Variants in TG observed in about 807,000 individuals in gnomAD.
TG encodes thyroglobulin.
Under a neutral mutation model 324.7 loss-of-function variants are expected in TG, and 270 were observed. The observed-to-expected ratio is 0.83, with a 90% CI of 0.75 to 0.92. TG has a LOEUF of 0.92. TG is among the 40% of genes least tolerant of loss of function. TG has a pLI of 0.00. For synonymous variants in TG, 1,401 were observed against 1,327.0 expected (o/e 1.06, Z -1.21); for missense variants, 3,591 against 3,456.4 (o/e 1.04, Z -0.98).
At chr8:133,045,160 C>A (rs1237614464) in intron 41 of TG, 2 of 1,608,014 alleles carry the variant, frequency 1.2e-6, no homozygotes, top group Admixed American at 1.7e-5. Flanking sequence ...CCTGTCCTCA[C>A]CCCAAGGCAC....
At chr8:133,065,939 A>T (rs1017400768) in intron 41 of TG, among the ~76,000 whole-genome samples, 1 of 151,948 alleles carries the variant, frequency 6.6e-6, no homozygotes, top group Non-Finnish European at 1.5e-5. Context: ...TCCAGCGGGG[A>T]TGAGGGGTGC....
chr8:133,133,688 G>C, intron 47 of TG, 28 bp downstream of exon 47: 1 of 1,606,400 alleles, frequency 6.2e-7, no homozygotes, highest in Non-Finnish European at 8.5e-7. Context: ...CAAGTGGAGG[G>C]AGCTGGGTGT....
rs1280353265 is a variant in TG at position 132,906,852 on chromosome 8, G to A, written c.3799G>A (p.Glu1267Lys). 1 of 1,613,954 alleles carries A rather than the reference G, an allele frequency of 6.2e-7. No homozygotes were observed. Among genetic ancestry groups the A allele is most frequent in the Admixed American group, 1.7e-5 (1 of 60,008 alleles). The part of the protein sequence containing the change: ...FPPGPLICSL[E>K]SGRWESQLPQ... ...ACCAGGGCCATTGATATGTAGCCTG[G>A]AGAGCGGACGCTGGGAGTCACAGCT... Residue 1267 changes from glutamate (E) to lysine (K), a missense_variant, in exon 17 of 48, where the codon GAG (glutamate) becomes AAG (lysine). Physicochemically the swap from Glu to Lys is moderately conservative, Grantham distance 56. Coordinates refer to ENST00000220616, the MANE Select transcript of TG (RefSeq NM_003235.5).
At chr8:132,933,434 T>TTG (rs370957018) in intron 23 of TG, 127 bp from the exon 24 acceptor site, 38,964 of 674,700 alleles carry the variant, frequency 0.058, 195 homozygotes, top group Non-Finnish European at 0.063. Context: ...ATCTGCATAT[T>TTG]TGTGTGTGTG....
At chr8:132,890,202 A>G (rs1816032091) in intron 10 of TG, among the ~76,000 whole-genome samples, 1 of 152,096 alleles carries the variant, frequency 6.6e-6, no homozygotes, top group Non-Finnish European at 1.5e-5. Flanking sequence ...TTCCATCTCT[A>G]TTCAGTATTT....
intron 41 of TG, among the ~76,000 whole-genome samples, chr8:133,071,534 C>T (rs1270146971): frequency 3.3e-5 from 5 of 152,102 alleles, no homozygotes; most frequent in Non-Finnish European, 5.9e-5. Flanking sequence ...GTGGATAGAG[C>T]GGTGCAATGA....
At chr8:133,011,105 A>G (rs1414266867) in intron 35 of TG, among the ~76,000 whole-genome samples, 1 of 152,198 alleles carries the variant, frequency 6.6e-6, no homozygotes, top group Non-Finnish European at 1.5e-5. Flanking sequence ...GGGATATAGA[A>G]GGAAGTGAGG....
intron 41 of TG, among the ~76,000 whole-genome samples, chr8:133,066,240 G>T (rs538824187): frequency 1.3e-5 from 2 of 151,090 alleles, no homozygotes; most frequent in Admixed American, 1.3e-4. Context: ...GCAAGAGAAC[G>T]GCGTGAACCC....
At chr8:132,901,676 G>T in intron 16 of TG, 123 bp downstream of exon 16, 1 of 1,065,508 alleles carries the variant, frequency 9.4e-7, no homozygotes, top group Non-Finnish European at 1.3e-6. Context: ...GTGCAGGAGG[G>T]ATGTAGTTGT....
chr8:132,872,280 C>T (rs1352978155), intron 4 of TG, among the ~76,000 whole-genome samples: 1 of 151,506 alleles, frequency 6.6e-6, no homozygotes, highest in Non-Finnish European at 1.5e-5. Flanking sequence ...AGATCGAGAC[C>T]ATCCCGGCTA....
intron 35 of TG, among the ~76,000 whole-genome samples, chr8:132,986,024 C>A (rs1258382114): frequency 1.3e-5 from 2 of 151,992 alleles, no homozygotes; most frequent in African/African-American, 4.8e-5. Context: ...AACTTTTTAA[C>A]GTTTAATGAA....
Position 132,867,976 on chromosome 8 carries a change from C to G in TG, c.68-139C>G. 5.4e-6 allele frequency: 4 copies of G among 742,822 alleles called. No homozygotes were observed. In the South Asian group the frequency reaches 6.1e-5, roughly 11 times the overall value. 46.0% of individuals were successfully genotyped at this position (742,822 alleles called of 1,614,324 possible). On this transcript the variant is annotated intron_variant, in intron 1 of 47. Coordinates refer to ENST00000220616, the MANE Select transcript of TG (RefSeq NM_003235.5). The stretch of plus-strand genomic sequence containing the variant: ...AATGTCATACTTGTAAGAAAGTGTG[C>G]TTAGCTGCCAAATTTTAAAATAGGC...
At chr8:132,920,924 C>A (rs1821014802) in intron 21 of TG, among the ~76,000 whole-genome samples, 1 of 152,240 alleles carries the variant, frequency 6.6e-6, no homozygotes, top group Non-Finnish European at 1.5e-5. Context: ...GTTGCCTAAG[C>A]AACACATTTG....
chr8:133,071,545 G>A (rs530829250), intron 41 of TG, among the ~76,000 whole-genome samples: 2 of 152,326 alleles, frequency 1.3e-5, no homozygotes, highest in South Asian at 4.1e-4. Flanking sequence ...GGTGCAATGA[G>A]AGGTGGGTCC....
chr8:133,038,498 G>A (rs142545358), intron 41 of TG: 1 of 1,534,470 alleles, frequency 6.5e-7, no homozygotes, highest in Non-Finnish European at 9.0e-7. Flanking sequence ...TTCCTTTTGG[G>A]CATGAACCAT....
intron 20 of TG, among the ~76,000 whole-genome samples, chr8:132,917,270 C>G (rs779590651): frequency 6.6e-6 from 1 of 151,922 alleles, no homozygotes; most frequent in Non-Finnish European, 1.5e-5. Context: ...ACATCACAGC[C>G]AGGGTGGTCA....
intron 43 of TG, among the ~76,000 whole-genome samples, chr8:133,099,891 ACT>A (rs954457438): frequency 2.6e-5 from 4 of 151,770 alleles, no homozygotes; most frequent in African/African-American, 4.8e-5. Context: ...CTAGCCCCCA[ACT>A]CTCTCTCTGC....
Position 132,929,176 on chromosome 8 carries a change from G to T in TG, c.4800G>T (p.Val1600=), listed in dbSNP as rs1230501915. Reference sequence around the variant, plus strand: ...AAGTTCCTGATTCTGAGTTCCCCGTGATGCAGTGCTTGACAGGTGAGGAGT... The same window carrying T: ...AAGTTCCTGATTCTGAGTTCCCCGTTATGCAGTGCTTGACAGGTGAGGAGT... The part of the protein sequence containing the change: ...RSKVPDSEFP[V]MQCLTDCTED... Residue 1600 remains valine, a synonymous_variant, in exon 23 of 48, where the codon GTG becomes GTT. Transcript: ENST00000220616. 2.5e-6 allele frequency: 4 copies of T among 1,613,992 alleles called. No homozygotes were observed. The African/African-American group carries it at 5.3e-5, about 22-fold the overall frequency.
intron 41 of TG, among the ~76,000 whole-genome samples, chr8:133,064,569 G>A (rs192806022): frequency 2.6e-5 from 4 of 152,332 alleles, no homozygotes; most frequent in Admixed American, 2.6e-4. Flanking sequence ...CCATGCTGCT[G>A]TCTCTCCAGC....
Sources: gnomAD v4.1 joint callset for allele counts (sites outside exome capture counted in the v4.1 genomes callset) on GRCh38, gnomAD v4.1.1 for gene constraint, MANE v1.5 for transcripts, NCBI Gene and HGNC (gene_info 2026-07-23, HGNC 2026-07-21) for gene names.